SCYL3: variants seen among roughly 807,000 people sequenced by gnomAD.
SCYL3 encodes the protein SCY1 like pseudokinase 3.
Under a neutral mutation model 73.8 loss-of-function variants are expected in SCYL3, and 35 were observed. The ratio of observed to expected loss-of-function variants is 0.47; its 90% confidence interval spans 0.36 to 0.63. The LOEUF (loss-of-function observed/expected upper bound fraction) is 0.63, where lower values mean the gene tolerates loss of function less well. Among genes scored for constraint, SCYL3 ranks in the 20% least tolerant of loss-of-function variants. The pLI is 0.00. For missense variants in SCYL3, 712 were observed against 798.9 expected (o/e 0.89, Z 1.31); for synonymous variants, 277 against 295.2 (o/e 0.94, Z 0.63).
In SCYL3 at chr1:169,852,476, T is replaced by G. The variant is rs1029667200; in HGVS notation, c.*1237A>C. 9 of 330,128 alleles carry G rather than the reference T, an allele frequency of 2.7e-5. No individual in the cohort carries two copies. The highest frequency in any genetic ancestry group is 1.9e-4 in the African/African-American group (9 of 46,688). The allele number at this position is 330,128 out of a possible 1,614,324, so 20.4% of individuals were successfully genotyped here. A position where few individuals can be genotyped will look rare whatever the true frequency, so the allele number is the denominator to read the frequency against. On this transcript the variant is annotated 3_prime_UTR_variant, in exon 13 of 13. Transcript: ENST00000367771. Reference sequence around the variant, plus strand: ...AAACTCTCATAAAAAGAAAATACATTTATGAACTTGTTTATAAGACATGTA... The same window carrying G: ...AAACTCTCATAAAAAGAAAATACATGTATGAACTTGTTTATAAGACATGTA...
chr1:169,864,072 TG>T (rs1342907558), intron 9 of SCYL3, among the ~76,000 whole-genome samples: 1 of 152,190 alleles, frequency 6.6e-6, no homozygotes, highest in Admixed American at 6.5e-5. Context: ...TCATGATAAA[TG>T]TAAAAGTTCT....
At chr1:169,891,993 T>C (rs1008096470) in intron 1 of SCYL3, among the ~76,000 whole-genome samples, 2 of 152,190 alleles carry the variant, frequency 1.3e-5, no homozygotes, top group Non-Finnish European at 2.9e-5. Flanking sequence ...TAAAAAGGGA[T>C]GACTCAATTT....
chr1:169,853,412 TGGAAAAAGCA>T lies in SCYL3; in HGVS notation c.*291_*300del. On this transcript the variant is annotated 3_prime_UTR_variant, in exon 13 of 13. Coordinates refer to ENST00000367771, the MANE Select transcript of SCYL3 (RefSeq NM_020423.7). ...ATTTTCTTTACTTCCAGAATTGTCCTGGAAAAAGCAGTAAATTCGACCTCTCCTCAGCTAC... is the reference window on the plus strand; with the variant it reads ...ATTTTCTTTACTTCCAGAATTGTCCTGTAAATTCGACCTCTCCTCAGCTAC... 1 of 381,562 alleles carries T rather than the reference TGGAAAAAGCA, an allele frequency of 2.6e-6. No individual in the cohort carries two copies. Among genetic ancestry groups the T allele is most frequent in the Non-Finnish European group, 4.7e-6 (1 of 214,600 alleles). The allele number at this position is 381,562 out of a possible 1,614,324, so 23.6% of individuals were successfully genotyped here. A position where few individuals can be genotyped will look rare whatever the true frequency, so the allele number is the denominator to read the frequency against.
intron 2 of SCYL3, among the ~76,000 whole-genome samples, chr1:169,886,594 T>A (rs1438991932): frequency 6.6e-6 from 1 of 152,166 alleles, no homozygotes; most frequent in African/African-American, 2.4e-5. Context: ...TTATAAGCTT[T>A]AATAAGCTTA....
Position 169,859,052 on chromosome 1 carries a change from A to G in SCYL3, c.1301T>C (p.Leu434Pro). 6.2e-7 allele frequency: 1 copy of G among 1,612,468 alleles called. No individual in the cohort carries two copies. Among genetic ancestry groups the G allele is most frequent in the Non-Finnish European group, 8.5e-7 (1 of 1,179,534 alleles). ...TTAATAATTCTTACCTTCTAGAGAA[A>G]GGTCAGTATTTTTAGTAAAACTTGG... ...TAPSFTKNTD[L>P]SLEGDPFSQP... The change falls in exon 11 of 13, where the codon CTT (leucine) becomes CCT (proline). Residue 434 changes from leucine to proline, a missense_variant. Leu to Pro is a moderately conservative substitution (Grantham distance 98). Coordinates refer to ENST00000367771, the MANE Select transcript of SCYL3 (RefSeq NM_020423.7).
chr1:169,849,940 A>G lies in SCYL3; in HGVS notation c.*3773T>C. 1 of 466,246 alleles carries G rather than the reference A, an allele frequency of 2.1e-6. No homozygotes were observed. The highest frequency in any genetic ancestry group is 2.7e-5 in the South Asian group (1 of 37,652). 28.9% of individuals were successfully genotyped at this position (466,246 alleles called of 1,614,324 possible). The stretch of plus-strand genomic sequence containing the variant: ...TTTTGTGCTATCAGTCATAAGGGTT[A>G]GGCTGATGAACCTAAACCTGTAAGA... On this transcript the variant is annotated 3_prime_UTR_variant, in exon 13 of 13. Transcript: ENST00000367771.
intron 10 of SCYL3, among the ~76,000 whole-genome samples, chr1:169,860,289 T>C (rs1222328004): frequency 6.6e-6 from 1 of 152,258 alleles, no homozygotes; most frequent in East Asian, 1.9e-4. Context: ...TGAGTTTCAG[T>C]TACTTGCAAC....
chr1:169,869,112 C>A (rs1010836545), intron 6 of SCYL3, 73 bp from the exon 7 acceptor site: 4 of 1,274,708 alleles, frequency 3.1e-6, no homozygotes, highest in Non-Finnish European at 3.4e-6. Context: ...TGGAGACTGC[C>A]GAGAGCAAAA....
Position 169,850,353 on chromosome 1 carries a change from C to T in SCYL3, c.*3360G>A. On this transcript the variant is annotated 3_prime_UTR_variant, in exon 13 of 13. Transcript: ENST00000367771. ...GTATCCTTTCTGGAGAAGGTACTTT[C>T]TTTACATGGCTCATGTTTTATTCTT... 6.4e-7 allele frequency: 1 copy of T among 1,561,336 alleles called. No individual in the cohort carries two copies.
intron 2 of SCYL3, among the ~76,000 whole-genome samples, chr1:169,885,117 AC>A (rs1661585380): frequency 6.6e-6 from 1 of 152,222 alleles, no homozygotes; most frequent in African/African-American, 2.4e-5. Flanking sequence ...GTTATTGAAT[AC>A]CTATTACATC....
rs2102069177 is a variant in SCYL3, at chr1:169,849,936, G to A, written c.*3777C>T. The A allele has an allele frequency of 2.1e-6, 1 of 467,378 alleles. No individual in the cohort carries two copies. The highest frequency in any genetic ancestry group is 3.9e-5 in the East Asian group (1 of 25,946). 29.0% of individuals were successfully genotyped at this position (467,378 alleles called of 1,614,324 possible). On this transcript the variant is annotated 3_prime_UTR_variant, in exon 13 of 13. Coordinates refer to ENST00000367771, the MANE Select transcript of SCYL3 (RefSeq NM_020423.7). ...TTCATTTTGTGCTATCAGTCATAAGGGTTAGGCTGATGAACCTAAACCTGT... is the reference window on the plus strand; with the variant it reads ...TTCATTTTGTGCTATCAGTCATAAGAGTTAGGCTGATGAACCTAAACCTGT...
At position 169,853,045 on chromosome 1, in the gene SCYL3, T is replaced by C. The variant is rs1002985208; in HGVS notation, c.*668A>G. On this transcript the variant is annotated 3_prime_UTR_variant, in exon 13 of 13. Transcript: ENST00000367771. ...TTTGTCAACTGAAAATACTTATGTC[T>C]GTACATTTTCTAACAGATATAAAAC... The C allele has an allele frequency of 3.9e-6, 6 of 1,546,032 alleles. No individual in the cohort carries two copies. The African/African-American group carries it at 6.9e-5, about 18-fold the overall frequency.
intron 2 of SCYL3, among the ~76,000 whole-genome samples, chr1:169,880,788 G>A (rs1178903552): frequency 6.7e-6 from 1 of 149,798 alleles, no homozygotes; most frequent in African/African-American, 2.5e-5. Flanking sequence ...TTGAGACGGG[G>A]TCTCACTCTA....
At chr1:169,876,861 A>AGGAGAATGGCGTGAACCCGGGAGGT (rs1351130685) in intron 3 of SCYL3, among the ~76,000 whole-genome samples, 2 of 150,956 alleles carry the variant, frequency 1.3e-5, no homozygotes, top group African/African-American at 4.9e-5. Context: ...AGGCTGAGAC[A>AGGAGAATGGCGTGAACCCGGGAGGT]GGAGAATGGC....
At position 169,850,413 on chromosome 1, in the gene SCYL3, G is replaced by A; in HGVS notation, c.*3300C>T. ...TTTTTTTTTCCGAAATTATGTAACT[G>A]TAACCAACCTGAGTGTCTTCTTAGC... On this transcript the variant is annotated 3_prime_UTR_variant, in exon 13 of 13. Coordinates refer to ENST00000367771, the MANE Select transcript of SCYL3 (RefSeq NM_020423.7). 1 of 1,052,656 alleles carries A rather than the reference G, an allele frequency of 9.5e-7. No individual in the cohort carries two copies. Among genetic ancestry groups the A allele is most frequent in the Non-Finnish European group, 1.4e-6 (1 of 698,452 alleles). 65.2% of individuals were successfully genotyped at this position (1,052,656 alleles called of 1,614,324 possible).
intron 2 of SCYL3, among the ~76,000 whole-genome samples, chr1:169,883,487 G>A (rs1474638879): frequency 6.6e-6 from 1 of 152,180 alleles, no homozygotes; most frequent in East Asian, 1.9e-4. Flanking sequence ...ATTGGGAGGA[G>A]AGTGATGAAA....
chr1:169,890,806 C>T (rs1371276635), intron 1 of SCYL3, among the ~76,000 whole-genome samples: 1 of 152,196 alleles, frequency 6.6e-6, no homozygotes, highest in African/African-American at 2.4e-5. Flanking sequence ...AAAAGAAATG[C>T]CAAGTATGGC....
intron 4 of SCYL3, among the ~76,000 whole-genome samples, chr1:169,874,092 A>G (rs1184927985): frequency 6.6e-6 from 1 of 152,204 alleles, no homozygotes; most frequent in Non-Finnish European, 1.5e-5. Flanking sequence ...GATATTAACA[A>G]TAAGAAGGCT....
At chr1:169,856,201 C>T (rs1659142502) in intron 11 of SCYL3, among the ~76,000 whole-genome samples, 2 of 152,174 alleles carry the variant, frequency 1.3e-5, no homozygotes, top group African/African-American at 4.8e-5. Flanking sequence ...CAAAGCATTA[C>T]ACAGATATAA....
Sources: gnomAD v4.1 joint callset for allele counts (sites outside exome capture counted in the v4.1 genomes callset) on GRCh38, gnomAD v4.1.1 for gene constraint, MANE v1.5 for transcripts, NCBI Gene and HGNC (gene_info 2026-07-23, HGNC 2026-07-21) for gene names.